PDK1: variants seen among roughly 807,000 people sequenced by gnomAD.
The protein encoded by PDK1 is [Pyruvate dehydrogenase (acetyl-transferring)] kinase isozyme 1, mitochondrial.
PDK1 carries 39 observed loss-of-function variants against 54.2 expected under a neutral mutation model. That is an observed-to-expected ratio of 0.72 (90% CI 0.56 to 0.94). The LOEUF (loss-of-function observed/expected upper bound fraction) is 0.94, where lower values mean the gene tolerates loss of function less well. Among genes scored for constraint, PDK1 ranks in the 40% least tolerant of loss-of-function variants. PDK1 has a pLI of 0.00. For synonymous variants in PDK1, 221 were observed against 207.1 expected (o/e 1.07, Z -0.58); for missense variants, 552 against 566.0 (o/e 0.98, Z 0.25).
At chr2:172,589,310 T>C (rs549451675) in intron 9 of PDK1, among the ~76,000 whole-genome samples, 2 of 152,278 alleles carry the variant, frequency 1.3e-5, no homozygotes, top group South Asian at 4.2e-4. Context: ...ACTAATTACA[T>C]AGGTGTAGGT....
the PDK1 span, among the ~76,000 whole-genome samples, chr2:172,619,556 G>T: frequency 6.6e-6 from 1 of 151,548 alleles, no homozygotes; most frequent in Non-Finnish European, 1.5e-5. Flanking sequence ...GTTTTCTGCG[G>T]TAACAGTCTT....
the PDK1 span, among the ~76,000 whole-genome samples, chr2:172,653,428 C>T: frequency 1.3e-3 from 194 of 152,176 alleles, 2 homozygotes; most frequent in African/African-American, 4.5e-3. Context: ...CATGGTGAAA[C>T]TCCATCTCTA....
the PDK1 span, among the ~76,000 whole-genome samples, chr2:172,679,752 A>G: frequency 1.3e-5 from 2 of 151,586 alleles, no homozygotes; most frequent in East Asian, 3.9e-4. Context: ...GGAGAGAAAG[A>G]AAAAAAAAGA....
chr2:172,701,642 TG>T, the PDK1 span, among the ~76,000 whole-genome samples: 1,015 of 68,594 alleles, frequency 0.015, 10 homozygotes, highest in East Asian at 0.07. Flanking sequence ...TTTTTTTTTT[TG>T]TTTTGTTTTT....
chr2:172,566,806 G>C (rs1688977860), intron 5 of PDK1, 50 bp from the exon 6 acceptor site: 5 of 1,194,782 alleles, frequency 4.2e-6, no homozygotes, highest in Non-Finnish European at 6.2e-6. Flanking sequence ...ATGCGTGAAA[G>C]AGAAGTATAT....
At chr2:172,633,481 A>G in the PDK1 span, among the ~76,000 whole-genome samples, 1 of 149,366 alleles carries the variant, frequency 6.7e-6, no homozygotes, top group Non-Finnish European at 1.5e-5. Flanking sequence ...AACTTTCCAA[A>G]TTACTGTATG....
chr2:172,632,069 A>T, the PDK1 span, among the ~76,000 whole-genome samples: 1 of 152,060 alleles, frequency 6.6e-6, no homozygotes, highest in Non-Finnish European at 1.5e-5. Context: ...TGGGGTAAGG[A>T]GTTCAAGACC....
At chr2:172,579,525 CTTTTTTTTTTT>C (rs10660737) in intron 8 of PDK1, among the ~76,000 whole-genome samples, 1 of 122,562 alleles carries the variant, frequency 8.2e-6, no homozygotes, top group Non-Finnish European at 1.7e-5. Flanking sequence ...CCCGCTCTTT[CTTTTTTTTTTT>C]TTTTTTGGTG....
chr2:172,625,614 T>G, the PDK1 span, among the ~76,000 whole-genome samples: 2 of 152,164 alleles, frequency 1.3e-5, no homozygotes, highest in Non-Finnish European at 2.9e-5. Flanking sequence ...CTTTATCCAG[T>G]AAGCCTGCCT....
At position 172,566,907 on chromosome 2, in the gene PDK1, C is replaced by T; in HGVS notation, c.743C>T (p.Pro248Leu). The stretch of plus-strand genomic sequence containing the variant: ...TGTGATTTGTATTATATTAACTCTC[C>T]CGAACTAGAACTTGAAGAACTAAAT... ...RLCDLYYINSPELELEELNAK... is the reference protein window; with the variant it reads ...RLCDLYYINSLELELEELNAK... Residue 248 changes from proline to leucine, a missense_variant, in exon 6 of 11, where the codon CCC (proline) becomes CTC (leucine). By Grantham distance (98) the Pro-to-Leu change is moderately conservative. Transcript: ENST00000282077. The T allele has an allele frequency of 3.7e-6, 6 of 1,608,840 alleles. No individual in the cohort carries two copies. The highest frequency in any genetic ancestry group is 5.1e-6 in the Non-Finnish European group (6 of 1,176,260).
At chr2:172,712,984 C>T in the PDK1 span, among the ~76,000 whole-genome samples, 19 of 152,260 alleles carry the variant, frequency 1.2e-4, no homozygotes, top group South Asian at 4.1e-4. Context: ...GCAGGCTGTC[C>T]GAATGTCTCT....
intron 8 of PDK1, among the ~76,000 whole-genome samples, chr2:172,581,174 G>A (rs1425444931): frequency 1.3e-5 from 2 of 152,188 alleles, no homozygotes; most frequent in East Asian, 3.9e-4. Flanking sequence ...CTTGCTGCAA[G>A]CTCCGCCTCC....
chr2:172,578,608 A>G (rs1689708914), intron 8 of PDK1, among the ~76,000 whole-genome samples: 1 of 152,054 alleles, frequency 6.6e-6, no homozygotes, highest in African/African-American at 2.4e-5. Flanking sequence ...GTGTATGGGC[A>G]ATACTTTTTT....
chr2:172,651,051 C>T, the PDK1 span, among the ~76,000 whole-genome samples: 2 of 151,940 alleles, frequency 1.3e-5, no homozygotes, highest in South Asian at 4.2e-4. Flanking sequence ...CACAGTATTC[C>T]AAAACTGACC....
At chr2:172,626,199 G>T in the PDK1 span, among the ~76,000 whole-genome samples, 1 of 152,164 alleles carries the variant, frequency 6.6e-6, no homozygotes, top group East Asian at 1.9e-4. Context: ...ATTAGTTGCT[G>T]AGGCTCATTT....
At chr2:172,595,077 A>G (rs1448539527) in intron 10 of PDK1, among the ~76,000 whole-genome samples, 3 of 152,130 alleles carry the variant, frequency 2.0e-5, no homozygotes, top group Non-Finnish European at 4.4e-5. Context: ...TTAAATTTTT[A>G]TGTATTTATA....
chr2:172,586,949 C>T (rs536333715), intron 9 of PDK1, among the ~76,000 whole-genome samples: 1 of 152,226 alleles, frequency 6.6e-6, no homozygotes, highest in Non-Finnish European at 1.5e-5. Flanking sequence ...TCTTTATGTT[C>T]TAACTCCCCC....
In PDK1 at chr2:172,605,748, A is replaced by T. The variant is rs553137244; in HGVS notation, c.*9779A>T. ...TGGGTTTCTTTAGATTTTCATTTTC[A>T]TGTTTGCCCCATTTATGCTAATATT... On this transcript the variant is annotated 3_prime_UTR_variant, in exon 11 of 11. Transcript: ENST00000282077. 4.6e-5 allele frequency: 7 copies of T among 152,116 alleles called. No individual in the cohort carries two copies. The highest frequency in any genetic ancestry group is 7.4e-5 in the Non-Finnish European group (5 of 68,006). 9.4% of individuals were successfully genotyped at this position (152,116 alleles called of 1,614,324 possible).
chr2:172,698,301 C>T, the PDK1 span, among the ~76,000 whole-genome samples: 1 of 152,086 alleles, frequency 6.6e-6, no homozygotes, highest in Non-Finnish European at 1.5e-5. Flanking sequence ...CAAGAATCTC[C>T]CTCTTCTCAT....
Sources: gnomAD v4.1 joint callset for allele counts (sites outside exome capture counted in the v4.1 genomes callset) on GRCh38, gnomAD v4.1.1 for gene constraint, MANE v1.5 for transcripts, NCBI Gene and HGNC (gene_info 2026-07-23, HGNC 2026-07-21) for gene names.